The following PPP2R2D variants were observed in gnomAD, a reference collection of about 807,000 sequenced individuals.
PPP2R2D encodes protein phosphatase 2 regulatory subunit Bdelta, also known as serine/threonine-protein phosphatase 2A 55 kDa regulatory subunit B delta isoform.
Under a neutral mutation model 31.1 loss-of-function variants are expected in PPP2R2D, and 9 were observed. The ratio of observed to expected loss-of-function variants is 0.29; its 90% confidence interval spans 0.17 to 0.51. PPP2R2D has a LOEUF of 0.51. PPP2R2D is among the 20% of genes least tolerant of loss of function. The pLI is 0.98. For synonymous variants in PPP2R2D, 179 were observed against 172.6 expected, an observed-to-expected ratio of 1.04 and a Z score of -0.29; for missense variants, 391 against 465.6, an observed-to-expected ratio of 0.84 and a Z score of 1.48.
chr10:131,959,408 A>G lies in PPP2R2D; in HGVS notation c.*3445A>G, dbSNP rs529194765. The G allele has an allele frequency of 6.8e-6, 1 of 146,588 alleles. No homozygotes were observed. The highest frequency in any genetic ancestry group is 2.0e-4 in the South Asian group (1 of 4,998). 9.1% of individuals were successfully genotyped at this position (146,588 alleles called of 1,614,324 possible). ...ATCCGCCATCCCACTGTGGAGATGA[A>G]GGTGTGTGCTGATCCCCCATCCCCC... On this transcript the variant is annotated 3_prime_UTR_variant, in exon 9 of 9. Coordinates refer to ENST00000455566, the MANE Select transcript of PPP2R2D (RefSeq NM_018461.5).
intron 8 of PPP2R2D, among the ~76,000 whole-genome samples, chr10:131,952,723 C>CG (rs1554899110): frequency 3.1e-5 from 2 of 64,020 alleles, no homozygotes; most frequent in African/African-American, 1.3e-4. Flanking sequence ...TGCGGGTGTG[C>CG]GGGGTTCACT....
intron 2 of PPP2R2D, among the ~76,000 whole-genome samples, chr10:131,908,501 T>C (rs1380347868): frequency 6.6e-6 from 1 of 152,198 alleles, no homozygotes; most frequent in Non-Finnish European, 1.5e-5. Flanking sequence ...ACATGTATTA[T>C]TAGGCTCGTC....
intron 5 of PPP2R2D, among the ~76,000 whole-genome samples, chr10:131,941,902 AT>A (rs376795406): frequency 1.2e-3 from 181 of 152,310 alleles, no homozygotes; most frequent in African/African-American, 3.9e-3. Context: ...TTTGCTGAAA[AT>A]CTAGTTTATA....
At chr10:131,901,356 C>T in intron 2 of PPP2R2D, 26 bp downstream of exon 2, 1 of 352,726 alleles carries the variant, frequency 2.8e-6, no homozygotes, top group Non-Finnish European at 5.1e-6. Flanking sequence ...CGCCCCGCCC[C>T]GGGACCCTCG....
chr10:131,953,763 A>G (rs1318805370), intron 8 of PPP2R2D, among the ~76,000 whole-genome samples: 5 of 105,382 alleles, frequency 4.7e-5, no homozygotes. Flanking sequence ...TGTCTTAGTG[A>G]CTTGCGAGTG....
downstream of PPP2R2D, among the ~76,000 whole-genome samples, chr10:131,963,650 C>T (rs569309029): frequency 9.8e-5 from 15 of 152,374 alleles, no homozygotes; most frequent in East Asian, 2.9e-3. Flanking sequence ...GGGCTGTGCG[C>T]TGAGGCTCTG....
chr10:131,943,692 G>T (rs2036482447), intron 5 of PPP2R2D, among the ~76,000 whole-genome samples: 1 of 152,244 alleles, frequency 6.6e-6, no homozygotes, highest in African/African-American at 2.4e-5. Flanking sequence ...AGGCCTCGGT[G>T]CCTGGGCAGT....
At chr10:131,953,287 G>T (rs1589963683) in intron 8 of PPP2R2D, among the ~76,000 whole-genome samples, 1 of 126,276 alleles carries the variant, frequency 7.9e-6, no homozygotes, top group Non-Finnish European at 1.6e-5. Context: ...TTGCAGGTAT[G>T]CGGGGGTTCA....
intron 2 of PPP2R2D, among the ~76,000 whole-genome samples, chr10:131,932,669 C>CACAAAAAAA (rs2036262839): frequency 3.3e-5 from 3 of 90,646 alleles, no homozygotes; most frequent in African/African-American, 8.8e-5. Flanking sequence ...AAAAAAAAAA[C>CACAAAAAAA]ACACAAAAAA....
intron 2 of PPP2R2D, among the ~76,000 whole-genome samples, chr10:131,915,677 A>G (rs17881016): frequency 0.27 from 40,558 of 152,100 alleles, 5,485 homozygotes; most frequent in South Asian, 0.3. Context: ...GGGGAATTGC[A>G]GCTCTGCCGT....
At chr10:131,961,818 G>C (rs2036923899), downstream of PPP2R2D, among the ~76,000 whole-genome samples, 5 of 149,732 alleles carry the variant, frequency 3.3e-5, no homozygotes, top group South Asian at 8.5e-4. Context: ...ACCCACACTT[G>C]ATGTCCTCCA....
Position 131,957,551 on chromosome 10 carries a change from C to T in PPP2R2D, c.*1588C>T. The T allele has an allele frequency of 5.5e-6, 1 of 181,212 alleles. No homozygotes were observed. 11.2% of individuals were successfully genotyped at this position (181,212 alleles called of 1,614,324 possible). On this transcript the variant is annotated 3_prime_UTR_variant, in exon 9 of 9. Transcript: ENST00000455566. The stretch of plus-strand genomic sequence containing the variant: ...AGGTGTGTGCTGATCCCCCGTGCCC[C>T]TGTGGAGATGAAGGTGCGTGCTGAT...
At chr10:131,941,472 A>G (rs373460734) in intron 5 of PPP2R2D, among the ~76,000 whole-genome samples, 178 of 152,226 alleles carry the variant, frequency 1.2e-3, no homozygotes, top group African/African-American at 3.8e-3. Context: ...CCCTGGAAGG[A>G]AACTCTGCCT....
At chr10:131,919,448 GAC>G (rs782643935) in intron 2 of PPP2R2D, among the ~76,000 whole-genome samples, 8 of 128,342 alleles carry the variant, frequency 6.2e-5, no homozygotes, top group Non-Finnish European at 1.2e-4. Flanking sequence ...CGGGTGGAAT[GAC>G]ACAGTGTAGG....
chr10:131,941,689 G>C (rs1239310668), intron 5 of PPP2R2D, among the ~76,000 whole-genome samples: 1 of 152,162 alleles, frequency 6.6e-6, no homozygotes, highest in African/African-American at 2.4e-5. Context: ...TACAGAGGAC[G>C]CTGTACCGCA....
intron 8 of PPP2R2D, among the ~76,000 whole-genome samples, chr10:131,952,416 T>C (rs1589962019): frequency 1.9e-5 from 1 of 53,222 alleles, no homozygotes; most frequent in Non-Finnish European, 3.3e-5. Flanking sequence ...CTTGCGGGTG[T>C]GCGGGGGTTC....
At position 131,957,152 on chromosome 10, in the gene PPP2R2D, A is replaced by G. The variant is rs1172248374; in HGVS notation, c.*1189A>G. Reference sequence around the variant, plus strand: ...ACGCCCACTACGTGTCCCCGAGGGGAGTGGGGAGTCGGGCTCCCGTGCCCC... The same window carrying G: ...ACGCCCACTACGTGTCCCCGAGGGGGGTGGGGAGTCGGGCTCCCGTGCCCC... On this transcript the variant is annotated 3_prime_UTR_variant, in exon 9 of 9. Transcript: ENST00000455566. 2 of 167,024 alleles carry G rather than the reference A, an allele frequency of 1.2e-5. No individual in the cohort carries two copies. The highest frequency in any genetic ancestry group is 2.6e-5 in the Non-Finnish European group (2 of 76,824). 10.3% of individuals were successfully genotyped at this position (167,024 alleles called of 1,614,324 possible).
chr10:131,913,804 GA>G (rs1234903605), intron 2 of PPP2R2D, among the ~76,000 whole-genome samples: 4 of 152,196 alleles, frequency 2.6e-5, no homozygotes, highest in East Asian at 3.9e-4. Context: ...GGGCAACCAT[GA>G]AAACAGGCAA....
At chr10:131,932,660 A>AAAAAAAAAAAAAC (rs2036260281) in intron 2 of PPP2R2D, among the ~76,000 whole-genome samples, 1 of 149,642 alleles carries the variant, frequency 6.7e-6, no homozygotes, top group Non-Finnish European at 1.5e-5. Flanking sequence ...AAAAAAAAAA[A>AAAAAAAAAAAAAC]AAAAAAAACA....
Sources: allele counts gnomAD v4.1 joint callset (sites outside exome capture counted in the v4.1 genomes callset), GRCh38; gene constraint gnomAD v4.1.1; transcripts MANE v1.5; gene names NCBI Gene and HGNC (gene_info 2026-07-23, HGNC 2026-07-21).